DYM: variants seen among roughly 807,000 people sequenced by gnomAD.
DYM encodes the protein dymeclin.
A neutral mutation model predicts 93.1 loss-of-function variants in DYM; 78 were observed. The observed-to-expected ratio is 0.84, with a 90% CI of 0.70 to 1.01. The LOEUF is 1.01. DYM is among the 50% of genes least tolerant of loss of function. The pLI is 0.00. For synonymous variants in DYM, 321 were observed against 319.7 expected, an observed-to-expected ratio of 1.00 and a Z score of -0.04; for missense variants, 789 against 845.0, an observed-to-expected ratio of 0.93 and a Z score of 0.82.
intron 3 of DYM, among the ~76,000 whole-genome samples, chr18:49,390,563 A>G (rs1299676245): frequency 1.3e-5 from 2 of 151,602 alleles, no homozygotes; most frequent in African/African-American, 4.8e-5. Flanking sequence ...GCTGGAGTGC[A>G]GTGGCGCGAT....
intron 13 of DYM, among the ~76,000 whole-genome samples, chr18:49,211,273 G>A (rs1453548327): frequency 6.6e-6 from 1 of 152,006 alleles, no homozygotes; most frequent in Non-Finnish European, 1.5e-5. Context: ...AAAAAATAAA[G>A]TAATAAGAGG....
At chr18:49,162,623 C>T (rs905682988) in intron 15 of DYM, among the ~76,000 whole-genome samples, 8 of 152,220 alleles carry the variant, frequency 5.3e-5, no homozygotes, top group Admixed American at 5.2e-4. Flanking sequence ...TTGGATGGCA[C>T]ATTCAACCGT....
At position 49,286,326 on chromosome 18, in the gene DYM, G is replaced by A. The variant is rs1017542227; in HGVS notation, c.946+108C>T. 17 of 1,309,626 alleles carry A rather than the reference G, an allele frequency of 1.3e-5. No individual in the cohort carries two copies. The African/African-American group carries it at 2.0e-4, about 16-fold the overall frequency. 81.1% of individuals were successfully genotyped at this position (1,309,626 alleles called of 1,614,324 possible). On this transcript the variant is annotated intron_variant, in intron 9 of 17. Coordinates refer to ENST00000675505, the MANE Select transcript of DYM (RefSeq NM_001353214.3). ...AGTTTTTCTCATGTTTGACCAATAT[G>A]AAAACATACAATGGACACTCATCTC...
chr18:49,402,895 C>T (rs975666044), intron 2 of DYM, among the ~76,000 whole-genome samples: 6 of 152,088 alleles, frequency 3.9e-5, no homozygotes, highest in Admixed American at 2.0e-4. Flanking sequence ...TATTTAAGTT[C>T]CAACTTCTTC....
chr18:49,283,900 T>A (rs1302084495), intron 9 of DYM, among the ~76,000 whole-genome samples: 3 of 152,188 alleles, frequency 2.0e-5, no homozygotes, highest in African/African-American at 7.2e-5. Context: ...CACTTTTCCT[T>A]CCACATTTGA....
intron 1 of DYM, among the ~76,000 whole-genome samples, chr18:49,459,913 T>TG (rs1296591419): frequency 4.0e-5 from 5 of 125,952 alleles, no homozygotes; most frequent in African/African-American, 1.6e-4. Context: ...CGAGCTTCTT[T>TG]GGGGCGGGGG....
chr18:49,204,964 GTTTA>G (rs752795742), intron 14 of DYM, among the ~76,000 whole-genome samples: 18 of 152,184 alleles, frequency 1.2e-4, no homozygotes, highest in Admixed American at 3.9e-4. Flanking sequence ...ATATTTATTT[GTTTA>G]TTTATTTCTT....
At chr18:49,237,396 T>TG (rs1480766678) in intron 13 of DYM, among the ~76,000 whole-genome samples, 1 of 152,208 alleles carries the variant, frequency 6.6e-6, no homozygotes, top group Non-Finnish European at 1.5e-5. Context: ...TTATGGAAAA[T>TG]GCCTATAAAA....
chr18:49,303,192 TTCCTGATTTC>T (rs1259910317), intron 8 of DYM, among the ~76,000 whole-genome samples: 1 of 152,196 alleles, frequency 6.6e-6, no homozygotes, highest in East Asian at 1.9e-4. Context: ...ACATCTGCAT[TTCCTGATTTC>T]TCCTGAGGGA....
intron 17 of DYM, among the ~76,000 whole-genome samples, chr18:49,053,090 A>G (rs2075164881): frequency 6.6e-6 from 1 of 152,228 alleles, no homozygotes; most frequent in Admixed American, 6.5e-5. Flanking sequence ...AGCCAGAGGT[A>G]ATGCTAGACT....
At chr18:49,410,947 T>C (rs1054499950) in intron 2 of DYM, among the ~76,000 whole-genome samples, 1 of 152,178 alleles carries the variant, frequency 6.6e-6, no homozygotes, top group African/African-American at 2.4e-5. Flanking sequence ...CATATGCAAA[T>C]AAATTTGCTG....
Position 49,267,767 on chromosome 18 carries a change from G to A in DYM, c.1251+4411C>T, listed in dbSNP as rs898084212. ...ACAAAAATTAGCCAGGCCTGGTGGC[G>A]TGTGCCTGTAGTCCCAGCTACTCGG... On this transcript the variant is annotated intron_variant, in intron 11 of 17. Transcript: ENST00000675505. Among the ~76,000 whole-genome samples the A allele has an allele frequency of 3.3e-5, 5 of 152,162 alleles. No homozygotes were observed. In the South Asian group the frequency reaches 8.3e-4, roughly 25 times the overall value.
At chr18:49,215,265 T>C (rs1408936979) in intron 13 of DYM, among the ~76,000 whole-genome samples, 1 of 152,224 alleles carries the variant, frequency 6.6e-6, no homozygotes, top group African/African-American at 2.4e-5. Context: ...TGTTCATCTC[T>C]CATGGGCTAT....
chr18:49,260,578 A>T (rs1050474946), intron 11 of DYM, among the ~76,000 whole-genome samples: 1 of 152,220 alleles, frequency 6.6e-6, no homozygotes, highest in Non-Finnish European at 1.5e-5. Context: ...AAATCATGAA[A>T]AACAATCAAA....
At chr18:49,297,690 C>A (rs1224531949) in intron 8 of DYM, among the ~76,000 whole-genome samples, 1 of 151,630 alleles carries the variant, frequency 6.6e-6, no homozygotes, top group South Asian at 2.1e-4. Context: ...TTTTTTTCCT[C>A]ATCAAAATAC....
At chr18:49,104,782 G>C (rs357879) in intron 16 of DYM, among the ~76,000 whole-genome samples, 151,547 of 152,352 alleles carry the variant, frequency 0.99, 75,383 homozygotes, top group Middle Eastern at 1. Flanking sequence ...GGTGGATAAG[G>C]TTTTTGATGT....
intron 4 of DYM, among the ~76,000 whole-genome samples, 162 bp from the exon 5 acceptor site, chr18:49,378,862 G>T (rs1445027423): frequency 6.6e-6 from 1 of 151,922 alleles, no homozygotes; most frequent in Non-Finnish European, 1.5e-5. Flanking sequence ...TTATTTCATT[G>T]TACCAGTGAT....
chr18:49,060,992 C>G (rs2075947244), intron 17 of DYM, among the ~76,000 whole-genome samples: 1 of 151,960 alleles, frequency 6.6e-6, no homozygotes, highest in Non-Finnish European at 1.5e-5. Context: ...ACAAAAAAGT[C>G]CATAATAAAA....
At chr18:49,214,358 T>A (rs139338356) in intron 13 of DYM, among the ~76,000 whole-genome samples, 59 of 152,280 alleles carry the variant, frequency 3.9e-4, no homozygotes, top group African/African-American at 1.4e-3. Context: ...ATGCGAGGAA[T>A]TGAGGTTGTA....
Sources: gnomAD v4.1 joint callset for allele counts (sites outside exome capture counted in the v4.1 genomes callset) on GRCh38, gnomAD v4.1.1 for gene constraint, MANE v1.5 for transcripts, NCBI Gene and HGNC (gene_info 2026-07-23, HGNC 2026-07-21) for gene names.